TOR3A: variants seen among roughly 807,000 people sequenced by gnomAD.
The protein encoded by TOR3A is torsin-3A.
A neutral mutation model predicts 42.1 loss-of-function variants in TOR3A; 44 were observed. The ratio of observed to expected loss-of-function variants is 1.04; its 90% confidence interval spans 0.82 to 1.34. The LOEUF (loss-of-function observed/expected upper bound fraction) is 1.34. Ranked by LOEUF, TOR3A falls within the 40% of genes most tolerant of loss-of-function variation. TOR3A has a pLI of 0.00. For missense variants in TOR3A, 521 were observed against 507.6 expected, an observed-to-expected ratio of 1.03 and a Z score of -0.25; for synonymous variants, 227 against 213.2, an observed-to-expected ratio of 1.06 and a Z score of -0.57.
chr1:179,082,820 G>C, intron 1 of TOR3A, 120 bp from the exon 2 acceptor site: 1 of 760,038 alleles, frequency 1.3e-6, no homozygotes, highest in East Asian at 2.7e-5. Flanking sequence ...GTCGGGGCTG[G>C]GAGTTAGAAT....
At position 179,087,865 on chromosome 1, in the gene TOR3A, T is replaced by C. The variant is rs777226296; in HGVS notation, c.640-46T>C. ...GAAACCACGCCCTCAAGGCCGGAGG[T>C]GGAAGGAGTCACCACTTCCCCAGCT... On this transcript the variant is annotated intron_variant, in intron 3 of 5. Transcript: ENST00000367627. The C allele has an allele frequency of 5.3e-6, 8 of 1,498,768 alleles. No homozygotes were observed. In the East Asian group the frequency reaches 1.4e-4, roughly 27 times the overall value. 92.8% of individuals were successfully genotyped at this position (1,498,768 alleles called of 1,614,324 possible).
Position 179,095,318 on chromosome 1 carries a change from T to C in TOR3A, c.*100T>C, listed in dbSNP as rs1379861822. The C allele has an allele frequency of 1.9e-6, 3 of 1,548,242 alleles. No individual in the cohort carries two copies. Among genetic ancestry groups the C allele is most frequent in the Middle Eastern group, 2.4e-4 (1 of 4,192 alleles). ...TGGGACTGTGAGGTGTTTGAGGGTG[T>C]GGACTGGCATCCAGCAGCCACTAAC... On this transcript the variant is annotated 3_prime_UTR_variant, in exon 6 of 6. Transcript: ENST00000367627.
chr1:179,084,382 A>G (rs1652375275), intron 2 of TOR3A, among the ~76,000 whole-genome samples: 1 of 152,060 alleles, frequency 6.6e-6, no homozygotes, highest in Non-Finnish European at 1.5e-5. Flanking sequence ...GCCCACCACC[A>G]TGCCCAGCTA....
intron 3 of TOR3A, among the ~76,000 whole-genome samples, chr1:179,086,541 C>G (rs931751459): frequency 6.6e-6 from 1 of 152,044 alleles, no homozygotes; most frequent in South Asian, 2.1e-4. Context: ...TGGCGGGCAC[C>G]TGTAGTCTCA....
rs764671214 is a variant in TOR3A, at chr1:179,094,116, ATGAGG to A, written c.845_849del (p.Glu282GlyfsTer47). On this transcript the variant is annotated frameshift_variant, in exon 5 of 6. Transcript: ENST00000367627. LOFTEE classifies it high-confidence loss of function. ...AGTAATCTCAGGGGCGATATAATCA[ATGAGG>A]TGGTCCTAAAGTTGCTCAAGGCTGG... 6.2e-7 allele frequency: 1 copy of A among 1,614,068 alleles called. No homozygotes were observed. Among genetic ancestry groups the A allele is most frequent in the South Asian group, 1.1e-5 (1 of 91,074 alleles).
At chr1:179,082,473 G>C in intron 1 of TOR3A, 86 bp downstream of exon 1, 1 of 1,474,934 alleles carries the variant, frequency 6.8e-7, no homozygotes, top group Non-Finnish European at 9.0e-7. Context: ...TCCTGTCCGG[G>C]GCGACATCTG....
intron 2 of TOR3A, among the ~76,000 whole-genome samples, chr1:179,083,544 C>A (rs964245908): frequency 7.0e-5 from 10 of 143,738 alleles, no homozygotes; most frequent in African/African-American, 2.6e-4. Context: ...AGGTGCCTGC[C>A]ACCACGTCCG....
chr1:179,094,825 C>G, intron 5 of TOR3A, 143 bp from the exon 6 acceptor site: 1 of 777,564 alleles, frequency 1.3e-6, no homozygotes, highest in Non-Finnish European at 2.2e-6. Flanking sequence ...CTGCAAGGAG[C>G]CCAGATCTCA....
chr1:179,092,207 C>G (rs896652827), intron 4 of TOR3A, among the ~76,000 whole-genome samples: 5 of 152,214 alleles, frequency 3.3e-5, no homozygotes, highest in African/African-American at 9.6e-5. Context: ...GGGAGAGAAC[C>G]ACACAGCTCC....
intron 2 of TOR3A, among the ~76,000 whole-genome samples, chr1:179,083,646 T>C (rs1652357892): frequency 6.7e-6 from 1 of 148,820 alleles, no homozygotes; most frequent in South Asian, 2.2e-4. Context: ...CCTGACCTTG[T>C]GATTTGCCTG....
In TOR3A at chr1:179,088,037, GCCCCT is replaced by G; in HGVS notation, c.767_771del (p.Ala256GlyfsTer6). On this transcript the variant is annotated frameshift_variant, in exon 4 of 6. Coordinates refer to ENST00000367627, the MANE Select transcript of TOR3A (RefSeq NM_022371.4). LOFTEE classifies it high-confidence loss of function. The stretch of plus-strand genomic sequence containing the variant: ...CCTTGGGCCACACTTAGAACGCCGG[GCCCCT>G]GAGGGCCACAGGGCTGAGTCTCCAT... 2 of 1,612,944 alleles carry G rather than the reference GCCCCT, an allele frequency of 1.2e-6. No homozygotes were observed. The highest frequency in any genetic ancestry group is 1.7e-6 in the Non-Finnish European group (2 of 1,179,514).
Position 179,095,743 on chromosome 1 carries a change from C to A in TOR3A, c.*525C>A. The A allele has an allele frequency of 4.0e-6, 4 of 989,564 alleles. No homozygotes were observed. Among genetic ancestry groups the A allele is most frequent in the Non-Finnish European group, 4.8e-6 (4 of 832,584 alleles). The allele number at this position is 989,564 out of a possible 1,614,324, so 61.3% of individuals were successfully genotyped here. A position where few individuals can be genotyped will look rare whatever the true frequency, so the allele number is the denominator to read the frequency against. On this transcript the variant is annotated 3_prime_UTR_variant, in exon 6 of 6. Coordinates refer to ENST00000367627, the MANE Select transcript of TOR3A (RefSeq NM_022371.4). The stretch of plus-strand genomic sequence containing the variant: ...GGAGAATACACTCTAGGTTTGCAGG[C>A]TGGTGGGCTTTCAAATTGGTACTTC...
chr1:179,090,284 TC>T (rs1035550169), intron 4 of TOR3A, among the ~76,000 whole-genome samples: 4 of 152,050 alleles, frequency 2.6e-5, no homozygotes, highest in African/African-American at 9.7e-5. Flanking sequence ...AGCCAGAGGT[TC>T]CCCCCTCCAG....
chr1:179,095,075 T>C lies in TOR3A; in HGVS notation c.1051T>C (p.Phe351Leu). ...RHVRLCARDA[F>L]LSQELLYKEE... ...CGTGAGGCTGTGTGCACGGGATGCC[T>C]TCCTGAGCCAGGAGCTCCTGTATAA... Residue 351 changes from phenylalanine to leucine, a missense_variant, in exon 6 of 6, where the codon TTC becomes CTC. Physicochemically the swap from Phe to Leu is conservative, Grantham distance 22. Transcript: ENST00000367627. 6.2e-7 allele frequency: 1 copy of C among 1,614,194 alleles called. No individual in the cohort carries two copies.
chr1:179,089,194 G>A (rs1412925374), intron 4 of TOR3A, among the ~76,000 whole-genome samples: 1 of 152,050 alleles, frequency 6.6e-6, no homozygotes, highest in Non-Finnish European at 1.5e-5. Flanking sequence ...GGTGGCAGGT[G>A]CCTGTAATCC....
intron 4 of TOR3A, among the ~76,000 whole-genome samples, chr1:179,092,060 T>C (rs1652602401): frequency 6.6e-6 from 1 of 152,230 alleles, no homozygotes; most frequent in African/African-American, 2.4e-5. Context: ...TGGTAAATTC[T>C]GGCAGTGAAA....
chr1:179,085,922 C>T, intron 3 of TOR3A, 29 bp downstream of exon 3: 19 of 1,605,150 alleles, frequency 1.2e-5, no homozygotes, highest in Non-Finnish European at 1.6e-5. Flanking sequence ...GGGGTGAGGC[C>T]TCTGTGCTGG....
rs775141926 is a variant in TOR3A, at chr1:179,082,438, C to G, written c.259+51C>G. 5.8e-6 allele frequency: 9 copies of G among 1,551,492 alleles called. No individual in the cohort carries two copies. The South Asian group carries it at 8.7e-5, about 15-fold the overall frequency. ...CGTTCGCTGCGGAGCAGAGTGCGATCCGGGCGCGGCTGTGGTCGCCTCGCT... is the reference window on the plus strand; with the variant it reads ...CGTTCGCTGCGGAGCAGAGTGCGATGCGGGCGCGGCTGTGGTCGCCTCGCT... On this transcript the variant is annotated intron_variant, in intron 1 of 5. Transcript: ENST00000367627.
intron 4 of TOR3A, among the ~76,000 whole-genome samples, chr1:179,092,139 C>T (rs1298596285): frequency 1.3e-5 from 2 of 152,332 alleles, no homozygotes; most frequent in Admixed American, 1.3e-4. Flanking sequence ...GCTTAACCTG[C>T]GTGGCAGGGA....
Sources: allele counts gnomAD v4.1 joint callset (sites outside exome capture counted in the v4.1 genomes callset), GRCh38; gene constraint gnomAD v4.1.1; transcripts MANE v1.5; gene names NCBI Gene and HGNC (gene_info 2026-07-23, HGNC 2026-07-21).